The following USH2A variants were observed in gnomAD, a reference collection of about 807,000 sequenced individuals.
USH2A encodes the protein Usher syndrome 2A (autosomal recessive, mild).
A neutral mutation model predicts 538.9 loss-of-function variants in USH2A; 443 were observed. That is an observed-to-expected ratio of 0.82 (90% CI 0.76 to 0.89). USH2A has a LOEUF of 0.89. Ranked by LOEUF, USH2A falls within the 40% of genes least tolerant of loss-of-function variation. The pLI, the probability that USH2A is intolerant of heterozygous loss-of-function variation, is 0.00. For synonymous variants in USH2A, 2,413 were observed against 2,273.5 expected, an observed-to-expected ratio of 1.06 and a Z score of -1.75; for missense variants, 6,633 against 6,324.8, an observed-to-expected ratio of 1.05 and a Z score of -1.65.
intron 4 of USH2A, among the ~76,000 whole-genome samples, chr1:216,338,471 AT>A (rs2038016849): frequency 6.6e-6 from 1 of 151,604 alleles, no homozygotes; most frequent in Non-Finnish European, 1.5e-5. Flanking sequence ...TTCAGAAAAA[AT>A]AGAAGGCAAT....
At chr1:215,705,954 CT>C (rs767714368) in intron 61 of USH2A, among the ~76,000 whole-genome samples, 2 of 152,200 alleles carry the variant, frequency 1.3e-5, no homozygotes, top group Non-Finnish European at 2.9e-5. Flanking sequence ...TCAAGAGTAT[CT>C]CAAAGGATGA....
At chr1:216,393,027 A>G (rs2039137562) in intron 3 of USH2A, among the ~76,000 whole-genome samples, 1 of 152,208 alleles carries the variant, frequency 6.6e-6, no homozygotes, top group African/African-American at 2.4e-5. Flanking sequence ...TTGTATACAT[A>G]GTAGATATCT....
At chr1:216,135,768 A>G (rs1041054511) in intron 21 of USH2A, among the ~76,000 whole-genome samples, 2 of 152,140 alleles carry the variant, frequency 1.3e-5, no homozygotes, top group African/African-American at 2.4e-5. Flanking sequence ...GCATCTTAAT[A>G]TGTTAAGCCT....
chr1:215,773,524 C>CTCTCTCTCTGTCTT (rs1558091717), intron 55 of USH2A, among the ~76,000 whole-genome samples: 112 of 148,876 alleles, frequency 7.5e-4, no homozygotes, highest in African/African-American at 2.8e-3. Context: ...CTCTCTCTCT[C>CTCTCTCTCTGTCTT]TCTCTCTCTG....
chr1:215,645,403 G>T (rs1440752907), intron 67 of USH2A, among the ~76,000 whole-genome samples: 1 of 152,040 alleles, frequency 6.6e-6, no homozygotes, highest in African/African-American at 2.4e-5. Flanking sequence ...TTAGTTTAGG[G>T]CCACGTCACT....
At chr1:215,898,933 C>A in intron 40 of USH2A, among the ~76,000 whole-genome samples, 1 of 152,150 alleles carries the variant, frequency 6.6e-6, no homozygotes, top group South Asian at 2.1e-4. Flanking sequence ...AGAACAAAAA[C>A]ACTGAGTGTC....
At chr1:216,154,955 TG>T (rs1480521003) in intron 21 of USH2A, among the ~76,000 whole-genome samples, 1 of 120,404 alleles carries the variant, frequency 8.3e-6, no homozygotes, top group Non-Finnish European at 1.7e-5. Flanking sequence ...GGGGTGGGGG[TG>T]GGTAAGATAG....
intron 31 of USH2A, among the ~76,000 whole-genome samples, chr1:216,047,858 T>C (rs1571915021): frequency 1.3e-5 from 2 of 152,344 alleles, no homozygotes; most frequent in African/African-American, 4.8e-5. Flanking sequence ...TGAGAGCTGT[T>C]ATTTCTTGAA....
chr1:216,286,864 G>A (rs1229258840), intron 11 of USH2A, among the ~76,000 whole-genome samples: 1 of 152,086 alleles, frequency 6.6e-6, no homozygotes. Flanking sequence ...TTAGAATGGG[G>A]TAAACTTTAA....
intron 11 of USH2A, among the ~76,000 whole-genome samples, chr1:216,277,925 G>C (rs112099670): frequency 0.011 from 1,629 of 152,198 alleles, 32 homozygotes; most frequent in African/African-American, 0.037. Flanking sequence ...AGGAACAGCT[G>C]TCTTGGAGAG....
At chr1:216,145,835 C>A (rs1219962140) in intron 21 of USH2A, among the ~76,000 whole-genome samples, 1 of 152,112 alleles carries the variant, frequency 6.6e-6, no homozygotes, top group Non-Finnish European at 1.5e-5. Flanking sequence ...AGCACCCCCA[C>A]TGAGCACCTT....
intron 14 of USH2A, among the ~76,000 whole-genome samples, chr1:216,221,990 A>T (rs1313376734): frequency 6.6e-6 from 1 of 152,216 alleles, no homozygotes; most frequent in African/African-American, 2.4e-5. Context: ...ACTTCATGAG[A>T]CAGTGAGCTC....
chr1:216,073,963 C>A (rs779786263), intron 27 of USH2A, among the ~76,000 whole-genome samples: 2 of 152,214 alleles, frequency 1.3e-5, no homozygotes, highest in Non-Finnish European at 2.9e-5. Context: ...AAAATGGTCA[C>A]CAGTTTTACA....
chr1:216,170,377 A>G (rs1272392699), intron 21 of USH2A, among the ~76,000 whole-genome samples: 1 of 152,138 alleles, frequency 6.6e-6, no homozygotes, highest in Non-Finnish European at 1.5e-5. Flanking sequence ...GTCCTTGAAC[A>G]TCATTATTAT....
rs746447649 is a variant in USH2A, at chr1:215,674,702, GCC to G, written c.13207_13208del (p.Gly4403ProfsTer15). 2.2e-5 allele frequency: 35 copies of G among 1,613,854 alleles called. No homozygotes were observed. Among genetic ancestry groups the G allele is most frequent in the Non-Finnish European group, 2.8e-5 (33 of 1,179,996 alleles). On this transcript the variant is annotated frameshift_variant, in exon 63 of 72. Transcript: ENST00000307340. LOFTEE classifies it high-confidence loss of function. ...GCAGGTGGGAAACCAGCAGGCACAG[GCC>G]CTGGCCAGCAAGGGACTCTTTATTA... Reference protein sequence around the residue: ...YDNKESLAGQGLCLLVSHLQP... With the variant: ...YDNKESLAGQXLCLLVSHLQP...
At chr1:216,172,808 A>T in intron 21 of USH2A, among the ~76,000 whole-genome samples, 1 of 152,180 alleles carries the variant, frequency 6.6e-6, no homozygotes, top group South Asian at 2.1e-4. Context: ...GCAGTGTCAG[A>T]TAAGGAATAT....
intron 32 of USH2A, among the ~76,000 whole-genome samples, chr1:216,038,043 G>C (rs2030077080): frequency 6.6e-6 from 1 of 151,916 alleles, no homozygotes; most frequent in African/African-American, 2.4e-5. Context: ...GTATGATGTT[G>C]GTTGTTAATT....
chr1:216,101,849 A>G lies in USH2A; in HGVS notation c.4628-4636T>C, dbSNP rs376836498. 4.6e-5 allele frequency among the ~76,000 whole-genome samples: 7 copies of G among 152,356 alleles called. No individual in the cohort carries two copies. In the South Asian group the frequency reaches 1.4e-3, roughly 32 times the overall value. ...ATACTTTGTACAAATGGTATACATG[A>G]GATGTGTAAAATAAACTTACATCCA... On this transcript the variant is annotated intron_variant, in intron 21 of 71. Transcript: ENST00000307340.
At chr1:216,131,847 T>C (rs991202606) in intron 21 of USH2A, among the ~76,000 whole-genome samples, 3 of 152,102 alleles carry the variant, frequency 2.0e-5, no homozygotes, top group Non-Finnish European at 4.4e-5. Flanking sequence ...TAAATACTTA[T>C]GTTTGTTATT....
Sources: gnomAD v4.1 joint callset for allele counts (sites outside exome capture counted in the v4.1 genomes callset) on GRCh38, gnomAD v4.1.1 for gene constraint, MANE v1.5 for transcripts, NCBI Gene and HGNC (gene_info 2026-07-23, HGNC 2026-07-21) for gene names.